ANKRD29: variants seen among roughly 807,000 people sequenced by gnomAD.
ANKRD29 encodes the protein ankyrin repeat domain 29, also known as ankyrin repeat domain-containing protein 29.
ANKRD29 carries 32 observed loss-of-function variants against 38.0 expected under a neutral mutation model. The observed-to-expected ratio is 0.84, with a 90% CI of 0.64 to 1.13. The LOEUF is 1.13. ANKRD29 is among the 50% of genes most tolerant of loss of function. The pLI, the probability that ANKRD29 is intolerant of heterozygous loss-of-function variation, is 0.00. For synonymous variants in ANKRD29, 135 were observed against 152.4 expected (o/e 0.89, Z 0.84); for missense variants, 357 against 377.9 (o/e 0.94, Z 0.46).
chr18:23,605,557 C>G (rs1306900563), intron 9 of ANKRD29, among the ~76,000 whole-genome samples: 2 of 151,700 alleles, frequency 1.3e-5, no homozygotes, highest in African/African-American at 4.8e-5. Flanking sequence ...GACAGAGTCT[C>G]GCTCCGTCAC....
intron 6 of ANKRD29, among the ~76,000 whole-genome samples, chr18:23,623,558 G>A (rs1445277859): frequency 6.6e-6 from 1 of 152,026 alleles, no homozygotes; most frequent in Non-Finnish European, 1.5e-5. Flanking sequence ...GCCAAGGCGG[G>A]AGGATGGCTT....
chr18:23,649,432 A>G, intron 1 of ANKRD29: 1 of 693,416 alleles, frequency 1.4e-6, no homozygotes, highest in Non-Finnish European at 2.6e-6. Context: ...ACTATTAATA[A>G]CCTATTTCCC....
intron 1 of ANKRD29, among the ~76,000 whole-genome samples, chr18:23,661,655 G>C (rs2060363358): frequency 1.3e-5 from 2 of 152,320 alleles, no homozygotes; most frequent in Non-Finnish European, 2.9e-5. Context: ...GTTGCAGTGA[G>C]CTGAGATCAC....
intron 1 of ANKRD29, among the ~76,000 whole-genome samples, chr18:23,651,452 A>AATC (rs1278954099): frequency 6.6e-6 from 1 of 152,226 alleles, no homozygotes; most frequent in Non-Finnish European, 1.5e-5. Flanking sequence ...TGACCTGTAT[A>AATC]ATGAATCATG....
At chr18:23,658,058 G>T (rs2060307543) in intron 1 of ANKRD29, among the ~76,000 whole-genome samples, 1 of 152,084 alleles carries the variant, frequency 6.6e-6, no homozygotes, top group Non-Finnish European at 1.5e-5. Flanking sequence ...TCCCTTTTGG[G>T]GTGGAAACAT....
Position 23,646,293 on chromosome 18 carries a change from T to C in ANKRD29, c.133-6A>G. The C allele has an allele frequency of 6.2e-7, 1 of 1,613,212 alleles. No homozygotes were observed. Among genetic ancestry groups the C allele is most frequent in the Non-Finnish European group, 8.5e-7 (1 of 1,179,684 alleles). On this transcript the variant is annotated splice_region_variant and splice_polypyrimidine_tract_variant and intron_variant, in intron 2 of 9. Coordinates refer to ENST00000592179, the MANE Select transcript of ANKRD29 (RefSeq NM_173505.4). ...ATCAGGAGTGTGGTGCCATGCTGGA[T>C]GGAGGAGAGACAGATGAAGAGTTAG...
rs1340649907 is a variant in ANKRD29, at chr18:23,630,975, AAAAAAAAG to A, written c.430-1032_430-1025del. Among the ~76,000 whole-genome samples the A allele has an allele frequency of 1.1e-4, 17 of 150,176 alleles. No homozygotes were observed. The South Asian group carries it at 2.9e-3, about 26-fold the overall frequency. The stretch of plus-strand genomic sequence containing the variant: ...AAAGTGAGACCCTGTCTCAAAAAAA[AAAAAAAAG>A]AAAAAAAAGAAAAAAAAATTGAGAG... On this transcript the variant is annotated intron_variant, in intron 5 of 9. Transcript: ENST00000592179.
Position 23,662,798 on chromosome 18 carries a change from C to T in ANKRD29, c.-68G>A. 2 of 1,371,918 alleles carry T rather than the reference C, an allele frequency of 1.5e-6. No homozygotes were observed. Among genetic ancestry groups the T allele is most frequent in the Non-Finnish European group, 1.9e-6 (2 of 1,059,170 alleles). 85.0% of individuals were successfully genotyped at this position (1,371,918 alleles called of 1,614,324 possible). On this transcript the variant is annotated 5_prime_UTR_variant, in exon 1 of 10. Transcript: ENST00000592179. ...GGGCGCCTTGTCCTCCCCGGCCCTT[C>T]ACTCTCCCGGGGCTCTCGGCGTTCC...
chr18:23,630,563 G>C (rs1438397081), intron 5 of ANKRD29, among the ~76,000 whole-genome samples: 1 of 152,144 alleles, frequency 6.6e-6, no homozygotes. Context: ...GGAGGTTACA[G>C]TGAGCCAAGA....
chr18:23,615,574 A>C (rs2059699923), intron 8 of ANKRD29, among the ~76,000 whole-genome samples: 1 of 151,774 alleles, frequency 6.6e-6, no homozygotes, highest in African/African-American at 2.4e-5. Flanking sequence ...ATGACCAGTT[A>C]ATTTTAAAAA....
rs560087024 is a variant in ANKRD29 at position 23,600,188 on chromosome 18, T to A, written c.*1038A>T. ...ATAATTCAATAAACCTCATATTTCA[T>A]TCTTGGAATCAGTCAACTCAAAAAC... On this transcript the variant is annotated 3_prime_UTR_variant, in exon 10 of 10. Transcript: ENST00000592179. 1 of 152,722 alleles carries A rather than the reference T, an allele frequency of 6.5e-6. No individual in the cohort carries two copies. Among genetic ancestry groups the A allele is most frequent in the Non-Finnish European group, 1.5e-5 (1 of 68,022 alleles). The allele number at this position is 152,722 out of a possible 1,614,324, so 9.5% of individuals were successfully genotyped here.
chr18:23,611,962 A>G, intron 9 of ANKRD29, 130 bp downstream of exon 9: 1 of 747,986 alleles, frequency 1.3e-6, no homozygotes, highest in South Asian at 1.9e-5. Flanking sequence ...ACCTACTAAC[A>G]GCAACCTTGA....
chr18:23,609,771 C>T (rs2059617900), intron 9 of ANKRD29, among the ~76,000 whole-genome samples: 1 of 152,194 alleles, frequency 6.6e-6, no homozygotes, highest in African/African-American at 2.4e-5. Flanking sequence ...AGACTGGTCT[C>T]TTTAGGAAGT....
At chr18:23,616,798 A>C (rs1177953958) in intron 8 of ANKRD29, among the ~76,000 whole-genome samples, 1 of 147,406 alleles carries the variant, frequency 6.8e-6, no homozygotes, top group Non-Finnish European at 1.5e-5. Context: ...ATAATATAAT[A>C]AAATTAATAT....
At chr18:23,657,692 T>C (rs1482617125) in intron 1 of ANKRD29, among the ~76,000 whole-genome samples, 1 of 152,258 alleles carries the variant, frequency 6.6e-6, no homozygotes, top group Non-Finnish European at 1.5e-5. Context: ...ATATATGGCA[T>C]TCTGTGTCTG....
At chr18:23,626,932 G>T (rs774194126) in intron 6 of ANKRD29, among the ~76,000 whole-genome samples, 2 of 152,230 alleles carry the variant, frequency 1.3e-5, no homozygotes, top group African/African-American at 4.8e-5. Context: ...AACCAGGCAG[G>T]TATTCCTGTC....
chr18:23,656,071 C>T (rs1161502574), intron 1 of ANKRD29, among the ~76,000 whole-genome samples: 6 of 140,456 alleles, frequency 4.3e-5, no homozygotes, highest in African/African-American at 5.5e-5. Context: ...CCAGCCTGGG[C>T]GACAGAGCGA....
At chr18:23,657,488 A>G (rs911011415) in intron 1 of ANKRD29, among the ~76,000 whole-genome samples, 5 of 152,220 alleles carry the variant, frequency 3.3e-5, no homozygotes, top group African/African-American at 4.8e-5. Flanking sequence ...TCATCCTTTC[A>G]AAGCATACAA....
At chr18:23,611,583 G>C (rs568167021) in intron 9 of ANKRD29, among the ~76,000 whole-genome samples, 12 of 152,296 alleles carry the variant, frequency 7.9e-5, no homozygotes, top group African/African-American at 2.6e-4. Context: ...TACTCAGGAG[G>C]CTGAGGCAGA....
Sources: allele counts gnomAD v4.1 joint callset (sites outside exome capture counted in the v4.1 genomes callset), GRCh38; gene constraint gnomAD v4.1.1; transcripts MANE v1.5; gene names NCBI Gene and HGNC (gene_info 2026-07-23, HGNC 2026-07-21).